CLXN: variants seen among roughly 807,000 people sequenced by gnomAD.
CLXN encodes calaxin.
At chr8:48,731,416 T>A in the CLXN span, 6 of 1,613,588 alleles carry the variant, frequency 3.7e-6, no homozygotes, top group Non-Finnish European at 5.1e-6. Context: ...TGCATTACGA[T>A]CCAGTCCAAC....
At chr8:48,725,470 T>C in the CLXN span, among the ~76,000 whole-genome samples, 1 of 152,196 alleles carries the variant, frequency 6.6e-6, no homozygotes, top group Non-Finnish European at 1.5e-5. Context: ...TCTCATTCTT[T>C]CATTTTGCTT....
At chr8:48,713,545 C>T in the CLXN span, 5 of 152,128 alleles carry the variant, frequency 3.3e-5, no homozygotes, top group Non-Finnish European at 7.3e-5. Context: ...TAACAACCTT[C>T]TTTAATACAA....
chr8:48,730,515 C>G, the CLXN span: 2 of 1,478,996 alleles, frequency 1.4e-6, no homozygotes. Flanking sequence ...AATGTACGAA[C>G]CAATAGGACA....
the CLXN span, among the ~76,000 whole-genome samples, chr8:48,712,028 T>C: frequency 6.6e-6 from 1 of 152,360 alleles, no homozygotes; most frequent in Non-Finnish European, 1.5e-5. Flanking sequence ...TTTAATTTAT[T>C]CCATTTTCTG....
At chr8:48,714,829 T>C in the CLXN span, 1 of 152,212 alleles carries the variant, frequency 6.6e-6, no homozygotes, top group Non-Finnish European at 1.5e-5. Context: ...TCCAAGAAAG[T>C]AAGCACTGTG....
the CLXN span, among the ~76,000 whole-genome samples, chr8:48,721,999 A>C: frequency 6.6e-6 from 1 of 152,222 alleles, no homozygotes; most frequent in African/African-American, 2.4e-5. Flanking sequence ...GTGAAAAGGC[A>C]ACCACTGGAG....
the CLXN span, among the ~76,000 whole-genome samples, chr8:48,712,957 G>A: frequency 6.9e-6 from 1 of 145,804 alleles, no homozygotes; most frequent in Non-Finnish European, 1.5e-5. Flanking sequence ...CCAAGACCGT[G>A]CCAGCTTGGG....
At chr8:48,719,082 T>C in the CLXN span, among the ~76,000 whole-genome samples, 4 of 149,378 alleles carry the variant, frequency 2.7e-5, no homozygotes, top group Non-Finnish European at 4.5e-5. Flanking sequence ...AAATCATAAA[T>C]GAAAGAGGAG....
chr8:48,723,698 G>A, the CLXN span: 1 of 152,220 alleles, frequency 6.6e-6, no homozygotes, highest in South Asian at 2.1e-4. Flanking sequence ...CTGGATGCAG[G>A]GAGAAGCCAG....
At chr8:48,719,825 G>T in the CLXN span, among the ~76,000 whole-genome samples, 1 of 152,132 alleles carries the variant, frequency 6.6e-6, no homozygotes, top group Non-Finnish European at 1.5e-5. Flanking sequence ...TTAAAATAAA[G>T]AAACTTTCTG....
At chr8:48,724,946 A>G in the CLXN span, 1 of 593,628 alleles carries the variant, frequency 1.7e-6, no homozygotes, top group Non-Finnish European at 2.9e-6. Context: ...CGTTTCACTC[A>G]CAGATCTCAT....
chr8:48,712,723 G>A, the CLXN span, among the ~76,000 whole-genome samples: 2 of 152,068 alleles, frequency 1.3e-5, no homozygotes, highest in Non-Finnish European at 2.9e-5. Context: ...AAGTTTGGCC[G>A]GGCGTGGTGG....
chr8:48,725,984 A>G, the CLXN span, among the ~76,000 whole-genome samples: 3 of 86,346 alleles, frequency 3.5e-5, no homozygotes, highest in Non-Finnish European at 6.9e-5. Context: ...AGACCCACCC[A>G]CCCACCTCAC....
the CLXN span, chr8:48,724,051 T>G: frequency 2.0e-5 from 3 of 152,154 alleles, no homozygotes; most frequent in Non-Finnish European, 4.4e-5. Context: ...TACTTTTTGA[T>G]TTTCAGTCCA....
At chr8:48,728,477 A>G in the CLXN span, among the ~76,000 whole-genome samples, 3 of 152,050 alleles carry the variant, frequency 2.0e-5, no homozygotes, top group African/African-American at 7.2e-5. Context: ...AACACTCTAC[A>G]CATATCTCTA....
the CLXN span, among the ~76,000 whole-genome samples, chr8:48,733,982 C>A: frequency 3.3e-5 from 5 of 152,034 alleles, no homozygotes; most frequent in African/African-American, 9.7e-5. Flanking sequence ...AGAACAAAAC[C>A]CTCATCAGAG....
the CLXN span, among the ~76,000 whole-genome samples, chr8:48,718,284 A>G: frequency 2.0e-5 from 3 of 152,182 alleles, no homozygotes; most frequent in East Asian, 1.9e-4. Flanking sequence ...AGTTTTAAAT[A>G]TATATACAAC....
the CLXN span, among the ~76,000 whole-genome samples, chr8:48,725,594 G>A: frequency 2.0e-5 from 3 of 152,002 alleles, no homozygotes; most frequent in African/African-American, 4.8e-5. Context: ...ACTTGAGGTC[G>A]GGAGTTCGAG....
At chr8:48,729,923 T>C in the CLXN span, 12 of 1,538,938 alleles carry the variant, frequency 7.8e-6, no homozygotes, top group Non-Finnish European at 1.1e-5. Flanking sequence ...TAAGGTAATA[T>C]TTTCTCTGAT....
Sources: gnomAD v4.1 joint callset for allele counts (sites outside exome capture counted in the v4.1 genomes callset) on GRCh38, gnomAD v4.1.1 for gene constraint, MANE v1.5 for transcripts, NCBI Gene and HGNC (gene_info 2026-07-23, HGNC 2026-07-21) for gene names.